Variants in RGS7 observed in about 807,000 individuals in gnomAD.
The protein encoded by RGS7 is regulator of G protein signaling 7.
Under a neutral mutation model 81.1 loss-of-function variants are expected in RGS7, and 27 were observed. That is an observed-to-expected ratio of 0.33 (90% CI 0.25 to 0.46). The LOEUF is 0.46. Among genes scored for constraint, RGS7 ranks in the 20% least tolerant of loss-of-function variants. The probability of loss-of-function intolerance (pLI) is 1.00; values close to 1 mark genes in which losing one functional copy is unlikely to be tolerated. For synonymous variants in RGS7, 208 were observed against 207.7 expected (o/e 1.00, Z -0.01); for missense variants, 396 against 607.4 (o/e 0.65, Z 3.66).
chr1:241,229,367 C>T (rs1228527390), intron 2 of RGS7, among the ~76,000 whole-genome samples: 5 of 152,142 alleles, frequency 3.3e-5, no homozygotes, highest in African/African-American at 1.2e-4. Flanking sequence ...ATCTCTAAAC[C>T]TCTTCTCTGA....
In RGS7 at chr1:240,868,908, T is replaced by C. The variant is rs1663978808; in HGVS notation, c.451-56A>G. On this transcript the variant is annotated intron_variant, in intron 7 of 18. Coordinates refer to ENST00000440928, the MANE Select transcript of RGS7 (RefSeq NM_001364886.1). This position sits in a 1 kb window ranked among gnomAD's most constrained non-coding sequence, Gnocchi z 5.1. ...GGTGTTCATTGTCACTGCTCTCTTC[T>C]AGCTTAGTTACCACTTGTATTTGTC... is the stretch of plus-strand genomic sequence containing the variant. 2.7e-6 allele frequency: 4 copies of C among 1,458,562 alleles called. No homozygotes were observed. The Admixed American group carries it at 5.0e-5, about 18-fold the overall frequency. 90.4% of individuals were successfully genotyped at this position (1,458,562 alleles called of 1,614,324 possible).
chr1:241,177,977 T>A (rs1337725878), intron 2 of RGS7, among the ~76,000 whole-genome samples: 1 of 152,104 alleles, frequency 6.6e-6, no homozygotes, highest in Non-Finnish European at 1.5e-5. Flanking sequence ...ATTAGGTAGT[T>A]GGATACATAA....
chr1:241,112,678 C>A (rs1489135213), intron 2 of RGS7, among the ~76,000 whole-genome samples: 1 of 152,094 alleles, frequency 6.6e-6, no homozygotes, highest in African/African-American at 2.4e-5. Context: ...TTATTTTGTA[C>A]AACGATTTTT....
At chr1:241,221,151 A>C (rs748344534) in intron 2 of RGS7, among the ~76,000 whole-genome samples, 1 of 151,612 alleles carries the variant, frequency 6.6e-6, no homozygotes, top group Non-Finnish European at 1.5e-5. Flanking sequence ...AGAAAAAAGA[A>C]AACAAAAGAA....
At chr1:241,355,309 A>C (rs1182208860) in intron 2 of RGS7, among the ~76,000 whole-genome samples, 1 of 152,258 alleles carries the variant, frequency 6.6e-6, no homozygotes, top group African/African-American at 2.4e-5. Flanking sequence ...TTTTATTTCT[A>C]AAATGTGATA....
At chr1:241,115,915 TC>T (rs1224200105) in intron 2 of RGS7, among the ~76,000 whole-genome samples, 1 of 152,178 alleles carries the variant, frequency 6.6e-6, no homozygotes, top group African/African-American at 2.4e-5. Context: ...GGAAGGGATT[TC>T]CCCCTTGCTG....
At chr1:241,202,682 C>T (rs764731591) in intron 2 of RGS7, among the ~76,000 whole-genome samples, 4 of 152,182 alleles carry the variant, frequency 2.6e-5, no homozygotes, top group African/African-American at 7.2e-5. Flanking sequence ...AGGCCCCTCT[C>T]TGGAATGCAG....
intron 5 of RGS7, among the ~76,000 whole-genome samples, chr1:240,932,352 T>C (rs1242530641): frequency 6.6e-6 from 1 of 152,146 alleles, no homozygotes; most frequent in Non-Finnish European, 1.5e-5. Context: ...AAGAGGATAG[T>C]AAGACTTTAT....
intron 6 of RGS7, among the ~76,000 whole-genome samples, chr1:240,896,043 G>T (rs1669038583): frequency 6.6e-6 from 1 of 152,198 alleles, no homozygotes; most frequent in South Asian, 2.1e-4. Flanking sequence ...GGCCAGTGAT[G>T]ATGAGATTTT....
At chr1:241,072,164 A>C (rs1205903981) in intron 3 of RGS7, among the ~76,000 whole-genome samples, 1 of 152,060 alleles carries the variant, frequency 6.6e-6, no homozygotes, top group African/African-American at 2.4e-5. Context: ...GTGGAGGTAA[A>C]AGCTACATTT....
intron 2 of RGS7, among the ~76,000 whole-genome samples, chr1:241,311,158 TTAGA>T (rs1401843613): frequency 6.6e-6 from 1 of 152,204 alleles, no homozygotes; most frequent in African/African-American, 2.4e-5. Context: ...ATTGCTACTG[TTAGA>T]TATTTTGTTA....
chr1:241,027,402 GA>G (rs1370752135), intron 3 of RGS7, among the ~76,000 whole-genome samples: 1 of 152,140 alleles, frequency 6.6e-6, no homozygotes, highest in Non-Finnish European at 1.5e-5. Context: ...GGAAGTTGGT[GA>G]GTGATCTTAA....
At chr1:241,224,458 G>A (rs1472066736) in intron 2 of RGS7, among the ~76,000 whole-genome samples, 1 of 151,994 alleles carries the variant, frequency 6.6e-6, no homozygotes, top group African/African-American at 2.4e-5. Context: ...AGTATTCCAA[G>A]GTGTATATGT....
intron 2 of RGS7, among the ~76,000 whole-genome samples, chr1:241,288,964 C>A (rs892154467): frequency 6.6e-6 from 1 of 152,222 alleles, no homozygotes; most frequent in Non-Finnish European, 1.5e-5. Flanking sequence ...TCAGCCTAAA[C>A]CAAAACGACT....
chr1:241,191,691 C>T (rs985862574), intron 2 of RGS7, among the ~76,000 whole-genome samples: 1 of 152,040 alleles, frequency 6.6e-6, no homozygotes, highest in Non-Finnish European at 1.5e-5. Context: ...TTTCTTTAAG[C>T]TTTTGGTTGA....
chr1:241,274,109 T>G (rs1347605714), intron 2 of RGS7, among the ~76,000 whole-genome samples: 2 of 152,258 alleles, frequency 1.3e-5, no homozygotes, highest in Admixed American at 1.3e-4. Flanking sequence ...CTGATGGGTT[T>G]GAGATGTTAC....
chr1:240,873,904 G>A (rs1664912158), intron 6 of RGS7, among the ~76,000 whole-genome samples: 1 of 151,852 alleles, frequency 6.6e-6, no homozygotes, highest in Non-Finnish European at 1.5e-5. Flanking sequence ...TTAGTTTGTG[G>A]CTAATTCTTC....
intron 2 of RGS7, among the ~76,000 whole-genome samples, chr1:241,160,674 T>A (rs2069576758): frequency 6.6e-6 from 1 of 152,230 alleles, no homozygotes; most frequent in Non-Finnish European, 1.5e-5. Context: ...ACCCTTCACA[T>A]AACAACTGTT....
chr1:241,268,701 A>G (rs570248417), intron 2 of RGS7, among the ~76,000 whole-genome samples: 2 of 152,076 alleles, frequency 1.3e-5, no homozygotes, highest in Non-Finnish European at 2.9e-5. Flanking sequence ...TGGTATCTAG[A>G]GCCCCCAGTC....
Sources: allele counts gnomAD v4.1 joint callset (sites outside exome capture counted in the v4.1 genomes callset), GRCh38; gene constraint gnomAD v4.1.1; non-coding constraint Gnocchi (gnomAD v3.1); transcripts MANE v1.5; gene names NCBI Gene and HGNC (gene_info 2026-07-23, HGNC 2026-07-21).